Variants in VPS13B observed in about 807,000 individuals in gnomAD.
The protein encoded by VPS13B is intermembrane lipid transfer protein VPS13B.
Under a neutral mutation model 426.4 loss-of-function variants are expected in VPS13B, and 285 were observed. The ratio of observed to expected loss-of-function variants is 0.67; its 90% confidence interval spans 0.61 to 0.74. VPS13B has a LOEUF of 0.74. Ranked by LOEUF, VPS13B falls within the 30% of genes least tolerant of loss-of-function variation. VPS13B has a pLI of 0.00. For synonymous variants in VPS13B, 1,676 were observed against 1,676.4 expected, an observed-to-expected ratio of 1.00 and a Z score of 0.01; for missense variants, 4,537 against 4,782.6, an observed-to-expected ratio of 0.95 and a Z score of 1.51.
intron 29 of VPS13B, among the ~76,000 whole-genome samples, chr8:99,515,506 G>A (rs1822019062): frequency 6.6e-6 from 1 of 151,956 alleles, no homozygotes; most frequent in Admixed American, 6.6e-5. Flanking sequence ...TCAGAATTCA[G>A]GTGCCTAGGT....
In VPS13B at chr8:99,809,378, T is replaced by G. The variant is rs533426135; in HGVS notation, c.7945T>G (p.Leu2649Val). ...CGATTATTGTTTTTTTCTCCAGCTGTTACACATCTGTATTGAAGGTTGGGG... is the reference window on the plus strand; with the variant it reads ...CGATTATTGTTTTTTTCTCCAGCTGGTACACATCTGTATTGAAGGTTGGGG... Reference protein sequence around the residue: ...SWRSHKSPQLLHICIEGWGNW... With the variant: ...SWRSHKSPQLVHICIEGWGNW... Residue 2649 changes from leucine (L) to valine (V), a missense_variant, in exon 44 of 62, where the codon TTA becomes GTA. By Grantham distance (32) the Leu-to-Val change is conservative. Around this residue, in one of 2 missense-constraint regions of VPS13B, gnomAD observed 4,311 missense variants for 4,474.3 expected, o/e 0.96. Coordinates refer to ENST00000357162, the MANE Select transcript of VPS13B (RefSeq NM_152564.5). 6.2e-6 allele frequency: 10 copies of G among 1,613,900 alleles called. No individual in the cohort carries two copies. The highest frequency in any genetic ancestry group is 7.6e-6 in the Non-Finnish European group (9 of 1,179,958).
At chr8:99,376,351 A>G (rs1222092829) in intron 19 of VPS13B, among the ~76,000 whole-genome samples, 1 of 152,228 alleles carries the variant, frequency 6.6e-6, no homozygotes, top group African/African-American at 2.4e-5. Context: ...ATTAAAGAGA[A>G]CATTATCTCT....
At chr8:99,270,931 T>C (rs1481307651) in intron 17 of VPS13B, among the ~76,000 whole-genome samples, 1 of 152,174 alleles carries the variant, frequency 6.6e-6, no homozygotes, top group Non-Finnish European at 1.5e-5. Flanking sequence ...GCATCCTTTG[T>C]TATAAAGAAA....
At chr8:99,604,968 T>A (rs2133864396) in intron 33 of VPS13B, among the ~76,000 whole-genome samples, 1 of 152,354 alleles carries the variant, frequency 6.6e-6, no homozygotes, top group South Asian at 2.1e-4. Context: ...GAAAGATGTG[T>A]CTTTAACTCT....
At chr8:99,734,819 G>A (rs1280811932) in intron 39 of VPS13B, among the ~76,000 whole-genome samples, 5 of 152,142 alleles carry the variant, frequency 3.3e-5, no homozygotes. Context: ...TCTGGAGGCA[G>A]AATAAACAGA....
Position 99,515,206 on chromosome 8 carries a change from TTA to T in VPS13B, c.4633+3698_4633+3699del, listed in dbSNP as rs554427104. 9.1e-3 allele frequency among the ~76,000 whole-genome samples: 1,374 copies of T among 151,374 alleles called. 8 individuals carry two copies. Among genetic ancestry groups the T allele is most frequent in the Non-Finnish European group, 0.015 (1,035 of 68,012 alleles). ...TTTCTGTGGGGCTTTTTTAGTTTGTTTATATGTTTTTGTTTTGGGCTTATTGT... is the reference window on the plus strand; with the variant it reads ...TTTCTGTGGGGCTTTTTTAGTTTGTTTATGTTTTTGTTTTGGGCTTATTGT... On this transcript the variant is annotated intron_variant, in intron 29 of 61. Coordinates refer to ENST00000357162, the MANE Select transcript of VPS13B (RefSeq NM_152564.5).
intron 31 of VPS13B, among the ~76,000 whole-genome samples, chr8:99,557,867 A>G: frequency 6.6e-6 from 1 of 152,148 alleles, no homozygotes; most frequent in East Asian, 1.9e-4. Context: ...AAAGCTACAT[A>G]CCTTTATATT....
intron 8 of VPS13B, among the ~76,000 whole-genome samples, chr8:99,133,141 G>A (rs1178597632): frequency 6.6e-6 from 1 of 152,214 alleles, no homozygotes; most frequent in Admixed American, 6.5e-5. Context: ...CTGTTGATTA[G>A]TGTAGCCACT....
chr8:99,304,371 T>C (rs1820531488), intron 19 of VPS13B, among the ~76,000 whole-genome samples: 1 of 152,136 alleles, frequency 6.6e-6, no homozygotes, highest in Non-Finnish European at 1.5e-5. Flanking sequence ...ATATTTTCTA[T>C]TGGCAGATGT....
chr8:99,097,650 A>C (rs1460071311), intron 4 of VPS13B, among the ~76,000 whole-genome samples: 2 of 152,194 alleles, frequency 1.3e-5, no homozygotes, highest in African/African-American at 4.8e-5. Context: ...ATGGGAGATA[A>C]TATAAGAGAC....
intron 3 of VPS13B, among the ~76,000 whole-genome samples, chr8:99,053,675 CTTT>C (rs1171107732): frequency 7.6e-6 from 1 of 132,222 alleles, no homozygotes; most frequent in Non-Finnish European, 1.7e-5. Context: ...TTTTTTTTTC[CTTT>C]TTTTTTTTTT....
At chr8:99,777,233 G>A (rs1345814096) in intron 41 of VPS13B, among the ~76,000 whole-genome samples, 1 of 152,122 alleles carries the variant, frequency 6.6e-6, no homozygotes, top group Admixed American at 6.5e-5. Flanking sequence ...TAGTTTTACT[G>A]TAATTCTAAT....
chr8:99,867,787 A>G (rs1448125802), intron 58 of VPS13B, among the ~76,000 whole-genome samples: 4 of 152,248 alleles, frequency 2.6e-5, no homozygotes, highest in South Asian at 2.1e-4. Context: ...AATAATTACT[A>G]TATCAATAAT....
chr8:99,147,747 G>T, intron 13 of VPS13B, 94 bp from the exon 14 acceptor site: 1 of 799,150 alleles, frequency 1.3e-6, no homozygotes, highest in Non-Finnish European at 1.7e-6. Flanking sequence ...AACAGGATTT[G>T]ACCTTATAGT....
chr8:99,550,010 G>A (rs1486479891), intron 30 of VPS13B, among the ~76,000 whole-genome samples: 1 of 152,028 alleles, frequency 6.6e-6, no homozygotes, highest in African/African-American at 2.4e-5. Flanking sequence ...ATTAAGTGTT[G>A]TATAATTGCC....
rs1265620981 is a variant in VPS13B, at chr8:99,817,541, T to G, written c.8099T>G (p.Ile2700Ser). 1.2e-6 allele frequency: 2 copies of G among 1,613,898 alleles called. No homozygotes were observed. The highest frequency in any genetic ancestry group is 2.2e-5 in the East Asian group (1 of 44,864). ...CTTATATACTTAACTGTCTTTTAGA[T>G]TATCATCTGTGGAAGACAGATCATC... ...VQQLNGVQKQ[I>S]IICGRQIICS... The change falls in exon 45 of 62, where the codon ATT becomes AGT. Residue 2700 changes from isoleucine to serine, a missense_variant and splice_region_variant. Physicochemically the swap from Ile to Ser is moderately radical, Grantham distance 142 (BLOSUM62 -2). Transcript: ENST00000357162.
At chr8:99,154,962 A>G (rs978436316) in intron 14 of VPS13B, among the ~76,000 whole-genome samples, 2 of 152,140 alleles carry the variant, frequency 1.3e-5, no homozygotes, top group East Asian at 3.9e-4. Context: ...AATAATATAA[A>G]TAGACTTAGA....
intron 8 of VPS13B, among the ~76,000 whole-genome samples, chr8:99,122,006 T>C (rs1464874944): frequency 6.6e-6 from 1 of 150,912 alleles, no homozygotes; most frequent in Non-Finnish European, 1.5e-5. Flanking sequence ...CACGTGCCAC[T>C]GTGCCCAGCT....
chr8:99,334,585 G>A (rs1810719382), intron 19 of VPS13B, among the ~76,000 whole-genome samples: 1 of 152,080 alleles, frequency 6.6e-6, no homozygotes, highest in Non-Finnish European at 1.5e-5. Context: ...TTTTGTCAAA[G>A]GCCTTTTCTG....
Sources: gnomAD v4.1 joint callset for allele counts (sites outside exome capture counted in the v4.1 genomes callset) on GRCh38, gnomAD v4.1.1 for gene constraint, gnomAD v4.1.1 regional missense constraint, MANE v1.5 for transcripts, NCBI Gene and HGNC (gene_info 2026-07-23, HGNC 2026-07-21) for gene names.